The following RTN1 variants were observed in gnomAD, a reference collection of about 807,000 sequenced individuals.
RTN1 encodes the protein reticulon 1, also known as reticulon-1.
In RTN1, 25 loss-of-function variants were observed where a neutral mutation model predicts 65.5. The ratio of observed to expected loss-of-function variants is 0.38; its 90% CI spans 0.28 to 0.53. The LOEUF is 0.53. Ranked by LOEUF, RTN1 falls within the 20% of genes least tolerant of loss-of-function variation. The pLI, the probability that RTN1 is intolerant of heterozygous loss-of-function variation, is 0.79. For missense variants in RTN1, 983 were observed against 1,025.4 expected (o/e 0.96, Z 0.57); for synonymous variants, 471 against 447.6 (o/e 1.05, Z -0.66).
At chr14:59,637,826 G>A (rs1050941236) in intron 3 of RTN1, among the ~76,000 whole-genome samples, 8 of 152,038 alleles carry the variant, frequency 5.3e-5, no homozygotes, top group African/African-American at 1.9e-4. Flanking sequence ...ACCCTTTCCA[G>A]AGCATTTAAT....
intron 1 of RTN1, among the ~76,000 whole-genome samples, chr14:59,842,275 A>C (rs1217296678): frequency 6.6e-6 from 1 of 152,212 alleles, no homozygotes; most frequent in Non-Finnish European, 1.5e-5. Flanking sequence ...TAATAAAAAA[A>C]CTAGAATTAT....
intron 3 of RTN1, among the ~76,000 whole-genome samples, chr14:59,704,213 T>C (rs1196779044): frequency 6.6e-6 from 1 of 152,200 alleles, no homozygotes; most frequent in Non-Finnish European, 1.5e-5. Context: ...CTCCAGGGAC[T>C]TGCAGTCCCA....
At chr14:59,661,991 T>C (rs932055100) in intron 3 of RTN1, among the ~76,000 whole-genome samples, 9 of 152,194 alleles carry the variant, frequency 5.9e-5, no homozygotes, top group Admixed American at 2.0e-4. Context: ...TGATTGTATA[T>C]TTAGAAAACC....
intron 3 of RTN1, among the ~76,000 whole-genome samples, chr14:59,673,792 C>G (rs557085402): frequency 1.3e-5 from 2 of 152,208 alleles, no homozygotes; most frequent in South Asian, 4.2e-4. Context: ...TTTAAACTGT[C>G]CTTGGATTGA....
intron 3 of RTN1, among the ~76,000 whole-genome samples, chr14:59,658,054 TG>T (rs1566675009): frequency 6.6e-6 from 1 of 151,914 alleles, no homozygotes; most frequent in Non-Finnish European, 1.5e-5. Flanking sequence ...TTCAGGTTGG[TG>T]GGGGGAGGGG....
intron 1 of RTN1, among the ~76,000 whole-genome samples, chr14:59,749,851 AT>A (rs1380397446): frequency 4.4e-5 from 5 of 114,426 alleles, no homozygotes; most frequent in Non-Finnish European, 8.2e-5. Flanking sequence ...ATTTATATAT[AT>A]ATCTATATGT....
intron 1 of RTN1, among the ~76,000 whole-genome samples, chr14:59,772,358 TATTCCA>T (rs1313849158): frequency 3.3e-5 from 5 of 152,218 alleles, no homozygotes; most frequent in Admixed American, 1.3e-4. Context: ...GTTCTAATTA[TATTCCA>T]ATTCCATTGT....
rs750347037 is a variant in RTN1 at position 59,820,493 on chromosome 14, G to T, written c.241+49897C>A. Among the ~76,000 whole-genome samples, 4 of 151,080 alleles carry T rather than the reference G, an allele frequency of 2.6e-5. No individual in the cohort carries two copies. In the South Asian group the frequency reaches 6.3e-4, roughly 24 times the overall value. On this transcript the variant is annotated intron_variant, in intron 1 of 8. Coordinates refer to ENST00000267484, the MANE Select transcript of RTN1 (RefSeq NM_021136.3). ...CTTGGTGAAGACATATGCCCAGAAG[G>T]GTATTTTCTTGGTTTTCTTCTAGGT...
At chr14:59,621,316 A>G (rs1008821921) in intron 3 of RTN1, among the ~76,000 whole-genome samples, 1 of 152,242 alleles carries the variant, frequency 6.6e-6, no homozygotes, top group African/African-American at 2.4e-5. Context: ...GAGTTTCAAC[A>G]TCTGAGTATA....
intron 1 of RTN1, among the ~76,000 whole-genome samples, chr14:59,802,375 TGGCACTA>T (rs1261085268): frequency 6.6e-6 from 1 of 152,178 alleles, no homozygotes; most frequent in Non-Finnish European, 1.5e-5. Context: ...GAAAAATACA[TGGCACTA>T]GGCTACAACA....
intron 1 of RTN1, among the ~76,000 whole-genome samples, chr14:59,854,011 T>C (rs1001323284): frequency 1.3e-5 from 2 of 151,850 alleles, no homozygotes; most frequent in Non-Finnish European, 2.9e-5. Context: ...ACTATAGGCA[T>C]GAGCCACCAC....
At chr14:59,652,675 T>C (rs1323634826) in intron 3 of RTN1, among the ~76,000 whole-genome samples, 2 of 152,014 alleles carry the variant, frequency 1.3e-5, no homozygotes, top group Non-Finnish European at 2.9e-5. Context: ...TGGGGCCTAC[T>C]TGAGGGTGGG....
intron 4 of RTN1, 111 bp downstream of exon 4, chr14:59,607,174 G>T: frequency 1.2e-6 from 1 of 855,242 alleles, no homozygotes; most frequent in Non-Finnish European, 1.9e-6. Flanking sequence ...GACTCTAAGA[G>T]GTCTGTTGGG....
intron 2 of RTN1, among the ~76,000 whole-genome samples, chr14:59,730,140 A>G (rs1454471591): frequency 1.3e-5 from 2 of 152,180 alleles, no homozygotes; most frequent in Admixed American, 6.5e-5. Flanking sequence ...TTTTCTTGCT[A>G]GGACCCTAGA....
intron 3 of RTN1, among the ~76,000 whole-genome samples, chr14:59,665,549 T>C (rs1444726604): frequency 6.6e-6 from 1 of 152,052 alleles, no homozygotes; most frequent in Non-Finnish European, 1.5e-5. Flanking sequence ...GGCAAAATAA[T>C]CAGCAAACAT....
chr14:59,843,375 G>A (rs1887348964), intron 1 of RTN1, among the ~76,000 whole-genome samples: 2 of 152,140 alleles, frequency 1.3e-5, no homozygotes, highest in African/African-American at 2.4e-5. Context: ...TTTTTGATCT[G>A]GCCTGATCTG....
chr14:59,664,496 A>T (rs1883323118), intron 3 of RTN1, among the ~76,000 whole-genome samples: 1 of 152,092 alleles, frequency 6.6e-6, no homozygotes, highest in South Asian at 2.1e-4. Context: ...CCACAATATG[A>T]TAAAATTAAA....
At position 59,803,526 on chromosome 14, in the gene RTN1, C is replaced by T. The variant is rs1886583825; in HGVS notation, c.242-57045G>A. 6.6e-6 allele frequency among the ~76,000 whole-genome samples: 1 copy of T among 152,278 alleles called. No homozygotes were observed. The highest frequency in any genetic ancestry group is 1.9e-4 in the East Asian group (1 of 5,184). ...TTAAATACAACCTTCTTTGCAGGGT[C>T]TTGTCTCCCATATAATTCAGAGGGG... On this transcript the variant is annotated intron_variant, in intron 1 of 8. Transcript: ENST00000267484. The surrounding 1 kb of genome is among the most constrained non-coding windows in gnomAD (Gnocchi z 5.6).
At chr14:59,658,786 C>T (rs1358954017) in intron 3 of RTN1, among the ~76,000 whole-genome samples, 3 of 152,192 alleles carry the variant, frequency 2.0e-5, no homozygotes, top group Admixed American at 6.5e-5. Flanking sequence ...AAAACCAGCA[C>T]AAAATGGCTG....
Sources: allele counts gnomAD v4.1 joint callset (sites outside exome capture counted in the v4.1 genomes callset), GRCh38; gene constraint gnomAD v4.1.1; non-coding constraint Gnocchi (gnomAD v3.1); transcripts MANE v1.5; gene names NCBI Gene and HGNC (gene_info 2026-07-23, HGNC 2026-07-21).